The following PRKCI variants were observed in gnomAD, a reference collection of about 807,000 sequenced individuals.
PRKCI encodes the protein protein kinase C iota type.
PRKCI carries 43 observed loss-of-function variants against 84.0 expected under a neutral mutation model. The observed-to-expected ratio is 0.51, with a 90% confidence interval of 0.40 to 0.66. The LOEUF (loss-of-function observed/expected upper bound fraction) is 0.66. Ranked by LOEUF, PRKCI falls within the 30% of genes least tolerant of loss-of-function variation. PRKCI has a pLI of 0.00. For missense variants in PRKCI, 459 were observed against 745.6 expected, an observed-to-expected ratio of 0.62 and a Z score of 4.48; for synonymous variants, 216 against 234.4, an observed-to-expected ratio of 0.92 and a Z score of 0.72.
At position 170,267,983 on chromosome 3, in the gene PRKCI, G is replaced by A; in HGVS notation, c.433G>A (p.Ala145Thr). ...LYCANGHTFQ[A>T]KRFNRRAHCA... Reference sequence around the variant, plus strand: ...TTGTGCCAATGGCCACACTTTCCAAGCCAAGCGTTTCAACAGGGTAAACAT... The same window carrying A: ...TTGTGCCAATGGCCACACTTTCCAAACCAAGCGTTTCAACAGGGTAAACAT... Residue 145 changes from alanine (A) to threonine (T), a missense_variant, in exon 5 of 18, where the codon GCC (alanine) becomes ACC (threonine). This residue lies in a region of PRKCI where 250 missense variants were observed against 319.7 expected (regional missense o/e 0.78). Coordinates refer to ENST00000295797, the MANE Select transcript of PRKCI (RefSeq NM_002740.6). 5.6e-6 allele frequency: 9 copies of A among 1,612,586 alleles called. No homozygotes were observed. Among genetic ancestry groups the A allele is most frequent in the Non-Finnish European group, 7.6e-6 (9 of 1,179,266 alleles).
At chr3:170,287,405 CAT>C (rs1418655542) in intron 12 of PRKCI, among the ~76,000 whole-genome samples, 5 of 151,786 alleles carry the variant, frequency 3.3e-5, no homozygotes, top group Middle Eastern at 3.5e-3. Flanking sequence ...GAAGTCTTAA[CAT>C]ATAGAATTGT....
intron 2 of PRKCI, among the ~76,000 whole-genome samples, chr3:170,249,369 G>A (rs930154611): frequency 2.0e-5 from 3 of 151,976 alleles, no homozygotes; most frequent in Non-Finnish European, 4.4e-5. Context: ...ACACTCATTG[G>A]TATCATTTAC....
At chr3:170,289,406 G>A (rs1487329182) in intron 12 of PRKCI, among the ~76,000 whole-genome samples, 2 of 152,114 alleles carry the variant, frequency 1.3e-5, no homozygotes, top group African/African-American at 4.8e-5. Flanking sequence ...TGTTCACCAT[G>A]CCCAGAATGT....
chr3:170,265,248 TG>T (rs1271931637), intron 4 of PRKCI, among the ~76,000 whole-genome samples: 20 of 151,922 alleles, frequency 1.3e-4, no homozygotes, highest in Middle Eastern at 3.4e-3. Context: ...ACTCTTGGAC[TG>T]GGGCTGAGCT....
In PRKCI at chr3:170,303,230, C is replaced by A; in HGVS notation, c.*103C>A. The A allele has an allele frequency of 1.4e-6, 1 of 701,140 alleles. No individual in the cohort carries two copies. Among genetic ancestry groups the A allele is most frequent in the South Asian group, 2.4e-5 (1 of 42,348 alleles). The allele number at this position is 701,140 out of a possible 1,614,324, so 43.4% of individuals were successfully genotyped here. A position where few individuals can be genotyped will look rare whatever the true frequency, so the allele number is the denominator to read the frequency against. On this transcript the variant is annotated 3_prime_UTR_variant, in exon 18 of 18. Coordinates refer to ENST00000295797, the MANE Select transcript of PRKCI (RefSeq NM_002740.6). ...TTAACCATTTTATATTTGCCACCTA[C>A]AAAAAAACACCCAATATCTTCTCTT...
In PRKCI at chr3:170,287,154, G is replaced by A. The variant is rs1053009531; in HGVS notation, c.1203+2558G>A. Among the ~76,000 whole-genome samples, 4 of 152,044 alleles carry A rather than the reference G, an allele frequency of 2.6e-5. No homozygotes were observed. In the South Asian group the frequency reaches 8.3e-4, roughly 32 times the overall value. On this transcript the variant is annotated intron_variant, in intron 12 of 17. Transcript: ENST00000295797. Reference sequence around the variant, plus strand: ...GTTCGACACCAGCCTGGGCAACATGGCAAAACTCCATCTCTACAAAAAATA... The same window carrying A: ...GTTCGACACCAGCCTGGGCAACATGACAAAACTCCATCTCTACAAAAAATA...
chr3:170,250,143 C>T (rs1417486654), intron 2 of PRKCI, among the ~76,000 whole-genome samples: 2 of 151,662 alleles, frequency 1.3e-5, no homozygotes, highest in African/African-American at 2.4e-5. Context: ...CGTGGTGGCA[C>T]ACACCTGTAA....
At chr3:170,252,927 C>G (rs1733492157) in intron 2 of PRKCI, among the ~76,000 whole-genome samples, 1 of 152,134 alleles carries the variant, frequency 6.6e-6, no homozygotes, top group Non-Finnish European at 1.5e-5. Flanking sequence ...TCCATGAGTT[C>G]AACTGTTTTA....
intron 2 of PRKCI, among the ~76,000 whole-genome samples, chr3:170,245,979 A>C (rs1733273872): frequency 1.0e-5 from 1 of 95,552 alleles, no homozygotes; most frequent in East Asian, 2.6e-4. Flanking sequence ...TTCTGACACA[A>C]ATCCTTTCTT....
At chr3:170,241,396 T>C (rs1165868733) in intron 2 of PRKCI, among the ~76,000 whole-genome samples, 1 of 152,168 alleles carries the variant, frequency 6.6e-6, no homozygotes, top group Non-Finnish European at 1.5e-5. Context: ...GTTCAACTTT[T>C]TTAGATTCCA....
intron 1 of PRKCI, among the ~76,000 whole-genome samples, chr3:170,234,229 C>T (rs1257273729): frequency 6.6e-6 from 1 of 151,684 alleles, no homozygotes; most frequent in Non-Finnish European, 1.5e-5. Context: ...CAGGGTTTCT[C>T]CATATTGGTC....
rs377020457 is a variant in PRKCI at position 170,286,658 on chromosome 3, A to G, written c.1203+2062A>G. ...ATTATCAGGAATCCTAAAGATGGCC[A>G]TGTTCTTTGATCCGGTAATTCTGCC... On this transcript the variant is annotated intron_variant, in intron 12 of 17. Transcript: ENST00000295797. Among the ~76,000 whole-genome samples the G allele has an allele frequency of 3.8e-4, 58 of 152,122 alleles. 1 individual carries two copies. The highest frequency in any genetic ancestry group is 3.9e-4 in the East Asian group (2 of 5,186).
At chr3:170,302,538 A>T (rs922246781) in intron 17 of PRKCI, among the ~76,000 whole-genome samples, 1 of 152,168 alleles carries the variant, frequency 6.6e-6, no homozygotes, top group Non-Finnish European at 1.5e-5. Context: ...GTGTAACAAA[A>T]TGCCAACCTC....
intron 1 of PRKCI, among the ~76,000 whole-genome samples, chr3:170,229,076 C>T (rs1172424179): frequency 6.6e-6 from 1 of 152,100 alleles, no homozygotes; most frequent in Non-Finnish European, 1.5e-5. Context: ...GGCTGTCTCA[C>T]TCCCACTTTC....
intron 8 of PRKCI, 132 bp from the exon 9 acceptor site, chr3:170,280,094 AT>A: frequency 1.2e-6 from 1 of 816,536 alleles, no homozygotes; most frequent in Non-Finnish European, 1.8e-6. Flanking sequence ...CATTTGAAAA[AT>A]ATTAAGAACT....
intron 2 of PRKCI, among the ~76,000 whole-genome samples, chr3:170,250,484 T>C (rs1474255086): frequency 1.7e-5 from 2 of 120,986 alleles, no homozygotes; most frequent in Non-Finnish European, 1.6e-5. Flanking sequence ...GCTACTTGTT[T>C]CCCCCCTACC....
In PRKCI at chr3:170,291,878, A is replaced by G. The variant is rs900136662; in HGVS notation, c.1228A>G (p.Thr410Ala). The change falls in exon 13 of 18, where the codon ACC becomes GCC. Residue 410 changes from threonine to alanine, a missense_variant. By Grantham distance (58) the Thr-to-Ala change is moderately conservative. Coordinates refer to ENST00000295797, the MANE Select transcript of PRKCI (RefSeq NM_002740.6). The part of the protein sequence containing the change: ...CKEGLRPGDT[T>A]STFCGTPNYI... The stretch of plus-strand genomic sequence containing the variant: ...GGAAGGATTACGGCCAGGAGATACA[A>G]CCAGCACTTTCTGTGGTACTCCTAA... 1.2e-6 allele frequency: 2 copies of G among 1,606,478 alleles called. No homozygotes were observed. Among genetic ancestry groups the G allele is most frequent in the Non-Finnish European group, 1.7e-6 (2 of 1,173,244 alleles).
intron 11 of PRKCI, among the ~76,000 whole-genome samples, chr3:170,283,392 TAAA>T (rs1324172709): frequency 1.3e-5 from 2 of 152,246 alleles, no homozygotes; most frequent in Non-Finnish European, 2.9e-5. Context: ...TCATTTAAAT[TAAA>T]AACTTGTAGA....
intron 11 of PRKCI, among the ~76,000 whole-genome samples, chr3:170,283,640 T>C (rs1295264273): frequency 6.6e-6 from 1 of 152,098 alleles, no homozygotes; most frequent in African/African-American, 2.4e-5. Flanking sequence ...GTTTGTTCAG[T>C]TGAATGTGGG....
Sources: allele counts gnomAD v4.1 joint callset (sites outside exome capture counted in the v4.1 genomes callset), GRCh38; gene constraint gnomAD v4.1.1; regional missense constraint gnomAD v4.1.1; transcripts MANE v1.5; gene names NCBI Gene and HGNC (gene_info 2026-07-23, HGNC 2026-07-21).